TEAD1: variants seen among roughly 807,000 people sequenced by gnomAD.
TEAD1 encodes the protein TEA domain transcription factor 1.
In TEAD1, 9 loss-of-function variants were observed where a neutral mutation model predicts 54.9. That is an observed-to-expected ratio of 0.16 (90% confidence interval 0.10 to 0.29). The LOEUF (loss-of-function observed/expected upper bound fraction) is 0.29, where lower values mean the gene tolerates loss of function less well. Among genes scored for constraint, TEAD1 ranks in the 10% least tolerant of loss-of-function variants. TEAD1 has a pLI of 1.00. For missense variants in TEAD1, 387 were observed against 535.9 expected (o/e 0.72, Z 2.74); for synonymous variants, 200 against 187.8 (o/e 1.07, Z -0.53).
In TEAD1 at chr11:12,881,317, T is replaced by C. The variant is rs1429820143; in HGVS notation, c.512+266T>C. Reference sequence around the variant, plus strand: ...CTGGAAGCAAGAAGTGGACCCCTCTTCCTTCATGGTATTGAAGGCTGAGCT... The same window carrying C: ...CTGGAAGCAAGAAGTGGACCCCTCTCCCTTCATGGTATTGAAGGCTGAGCT... On this transcript the variant is annotated intron_variant, in intron 7 of 12. Coordinates refer to ENST00000527636, the MANE Select transcript of TEAD1 (RefSeq NM_021961.6). Among the ~76,000 whole-genome samples the C allele has an allele frequency of 3.3e-5, 5 of 152,260 alleles. 1 individual carries two copies. The South Asian group carries it at 1.0e-3, about 32-fold the overall frequency.
chr11:12,696,142 CTT>C lies in TEAD1; in HGVS notation c.-55+20583_-55+20584del, dbSNP rs1554921235. On this transcript the variant is annotated intron_variant, in intron 2 of 12. Coordinates refer to ENST00000527636, the MANE Select transcript of TEAD1 (RefSeq NM_021961.6). ...AAGACAAGATGATACTTTAGGAAAA[CTT>C]TGTGGATTTAACAAAGGTCGGAGTT... Among the ~76,000 whole-genome samples, 6 of 152,320 alleles carry C rather than the reference CTT, an allele frequency of 3.9e-5. No individual in the cohort carries two copies. The South Asian group carries it at 6.2e-4, about 16-fold the overall frequency.
intron 2 of TEAD1, among the ~76,000 whole-genome samples, chr11:12,749,850 G>A (rs1224208521): frequency 6.6e-6 from 1 of 152,140 alleles, no homozygotes; most frequent in Non-Finnish European, 1.5e-5. Flanking sequence ...CAGCTAAGGT[G>A]CCAAGATTCT....
chr11:12,725,124 T>A (rs1024758353), intron 2 of TEAD1, among the ~76,000 whole-genome samples: 1 of 152,216 alleles, frequency 6.6e-6, no homozygotes, highest in East Asian at 1.9e-4. Flanking sequence ...TTTGGCCCTT[T>A]ACAGTGTGTA....
intron 10 of TEAD1, among the ~76,000 whole-genome samples, chr11:12,908,484 GGACCTTTGA>G (rs2134137610): frequency 6.6e-6 from 1 of 152,090 alleles, no homozygotes; most frequent in East Asian, 1.9e-4. Context: ...CCTGTCTTGG[GGACCTTTGA>G]GTGTAATAAA....
At chr11:12,931,867 A>G (rs754521639) in intron 12 of TEAD1, among the ~76,000 whole-genome samples, 2 of 152,178 alleles carry the variant, frequency 1.3e-5, no homozygotes, top group Non-Finnish European at 2.9e-5. Flanking sequence ...CCTAGGCCCC[A>G]CCCTGGATGA....
intron 3 of TEAD1, among the ~76,000 whole-genome samples, chr11:12,808,474 AGTTTTTTTGTTTTT>A (rs1946225009): frequency 6.6e-6 from 1 of 151,344 alleles, no homozygotes; most frequent in African/African-American, 2.4e-5. Flanking sequence ...GCTAAGCCTC[AGTTTTTTTGTTTTT>A]GTTTTTTTCC....
intron 3 of TEAD1, among the ~76,000 whole-genome samples, chr11:12,835,747 C>G (rs896215415): frequency 1.3e-5 from 2 of 152,132 alleles, no homozygotes; most frequent in Non-Finnish European, 1.5e-5. Context: ...AAGAGAACTT[C>G]TATTCAAAGA....
chr11:12,943,375 A>G lies in TEAD1; in HGVS notation c.*6153A>G, dbSNP rs945354802. ...TGTTTGAAAGTAGTTTTCTCTCTCA[A>G]AGCCGTTGCTTATATCGTTAAGAAT... On this transcript the variant is annotated 3_prime_UTR_variant, in exon 13 of 13. Coordinates refer to ENST00000527636, the MANE Select transcript of TEAD1 (RefSeq NM_021961.6). 4 of 152,622 alleles carry G rather than the reference A, an allele frequency of 2.6e-5. No individual in the cohort carries two copies. The highest frequency in any genetic ancestry group is 5.9e-5 in the Non-Finnish European group (4 of 68,036). The allele number at this position is 152,622 out of a possible 1,614,324, so 9.5% of individuals were successfully genotyped here. A position where few individuals can be genotyped will look rare whatever the true frequency, so the allele number is the denominator to read the frequency against.
chr11:12,735,205 C>T (rs1386232875), intron 2 of TEAD1, among the ~76,000 whole-genome samples: 2 of 152,098 alleles, frequency 1.3e-5, no homozygotes, highest in African/African-American at 4.8e-5. Flanking sequence ...TGAGGGTTTC[C>T]ATTCTAAAGG....
chr11:12,746,244 A>G (rs565978439), intron 2 of TEAD1, among the ~76,000 whole-genome samples: 2 of 152,304 alleles, frequency 1.3e-5, no homozygotes, highest in Admixed American at 6.5e-5. Flanking sequence ...TAATGAATAA[A>G]TGCTTTTTAT....
At chr11:12,762,794 G>A (rs944485247) in intron 2 of TEAD1, among the ~76,000 whole-genome samples, 1 of 152,176 alleles carries the variant, frequency 6.6e-6, no homozygotes, top group Non-Finnish European at 1.5e-5. Flanking sequence ...CAGGGGCACA[G>A]GATACAGTTG....
chr11:12,890,577 G>A (rs1564979346), intron 9 of TEAD1, among the ~76,000 whole-genome samples: 1 of 152,144 alleles, frequency 6.6e-6, no homozygotes. Flanking sequence ...TCGCTGCCAT[G>A]CTTACTGTGA....
At position 12,710,764 on chromosome 11, in the gene TEAD1, G is replaced by T. The variant is rs116217797; in HGVS notation, c.-55+35203G>T. ...AGACATGTCATGAAGAGCGTGACCG[G>T]TGTGAAGATGAAGAGGAGGATAATG... On this transcript the variant is annotated intron_variant, in intron 2 of 12. Coordinates refer to ENST00000527636, the MANE Select transcript of TEAD1 (RefSeq NM_021961.6). Among the ~76,000 whole-genome samples, 1,192 of 152,228 alleles carry T rather than the reference G, an allele frequency of 7.8e-3. 10 individuals carry two copies. The highest frequency in any genetic ancestry group is 0.026 in the African/African-American group (1,086 of 41,518).
intron 3 of TEAD1, among the ~76,000 whole-genome samples, chr11:12,790,854 A>T (rs1218744440): frequency 1.3e-5 from 2 of 152,230 alleles, no homozygotes; most frequent in African/African-American, 4.8e-5. Flanking sequence ...TCAGAAAGAC[A>T]ATAACAAGTG....
intron 12 of TEAD1, among the ~76,000 whole-genome samples, chr11:12,932,473 G>A (rs1949028281): frequency 6.6e-6 from 1 of 152,122 alleles, no homozygotes; most frequent in African/African-American, 2.4e-5. Context: ...TGCATGCTAA[G>A]GATGCATGTT....
rs570832727 is a variant in TEAD1, at chr11:12,756,661, C to T, written c.-54-7518C>T. ...AGAGCTAAGAATTCAGCACTGCCTA[C>T]ATCCTACTGTCTAGTGAGGGTATAG... is the stretch of plus-strand genomic sequence containing the variant. On this transcript the variant is annotated intron_variant, in intron 2 of 12. Transcript: ENST00000527636. Among the ~76,000 whole-genome samples, 18 of 152,342 alleles carry T rather than the reference C, an allele frequency of 1.2e-4. No individual in the cohort carries two copies. In the South Asian group the frequency reaches 3.7e-3, roughly 32 times the overall value.
At chr11:12,702,081 A>T (rs577926437) in intron 2 of TEAD1, among the ~76,000 whole-genome samples, 12 of 152,228 alleles carry the variant, frequency 7.9e-5, no homozygotes, top group Non-Finnish European at 5.9e-5. Context: ...GCTGAAGGAG[A>T]TAGAGCCAAC....
intron 2 of TEAD1, among the ~76,000 whole-genome samples, chr11:12,720,379 AT>A (rs1272630973): frequency 3.3e-5 from 5 of 152,142 alleles, no homozygotes; most frequent in Non-Finnish European, 7.4e-5. Flanking sequence ...CATGCTTGTG[AT>A]TTGGGGAAAA....
intron 6 of TEAD1, 119 bp downstream of exon 6, chr11:12,879,961 G>T: frequency 3.4e-6 from 5 of 1,465,606 alleles, no homozygotes; most frequent in South Asian, 1.2e-5. Flanking sequence ...GAGGGCAAAG[G>T]CTACCTTGTC....
Sources: allele counts gnomAD v4.1 joint callset (sites outside exome capture counted in the v4.1 genomes callset), GRCh38; gene constraint gnomAD v4.1.1; transcripts MANE v1.5; gene names NCBI Gene and HGNC (gene_info 2026-07-23, HGNC 2026-07-21).